The following CTNNA3 variants were observed in gnomAD, a reference collection of about 807,000 sequenced individuals.
The protein encoded by CTNNA3 is catenin alpha-3.
Under a neutral mutation model 95.7 loss-of-function variants are expected in CTNNA3, and 76 were observed. The observed-to-expected ratio is 0.79, with a 90% CI of 0.66 to 0.96. The LOEUF (loss-of-function observed/expected upper bound fraction) is 0.96. Ranked by LOEUF, CTNNA3 falls within the 40% of genes least tolerant of loss-of-function variation. The probability of loss-of-function intolerance (pLI) is 0.00; values close to 1 mark genes in which losing one functional copy is unlikely to be tolerated. For synonymous variants in CTNNA3, 431 were observed against 374.4 expected (o/e 1.15, Z -1.74); for missense variants, 1,191 against 1,089.8 (o/e 1.09, Z -1.31).
intron 7 of CTNNA3, among the ~76,000 whole-genome samples, chr10:66,838,505 G>A (rs986510858): frequency 6.6e-6 from 1 of 152,098 alleles, no homozygotes; most frequent in Non-Finnish European, 1.5e-5. Context: ...GATGCCTGAA[G>A]AGCTATGTTG....
intron 5 of CTNNA3, among the ~76,000 whole-genome samples, chr10:67,238,359 C>T (rs1030048657): frequency 1.3e-5 from 2 of 151,624 alleles, no homozygotes; most frequent in African/African-American, 4.8e-5. Context: ...TTGAGTATAT[C>T]AACCCAGTAA....
intron 5 of CTNNA3, among the ~76,000 whole-genome samples, chr10:67,280,551 C>T (rs1839354063): frequency 6.6e-6 from 1 of 151,782 alleles, no homozygotes. Context: ...CAACCGGCTC[C>T]CACTTCACAG....
intron 5 of CTNNA3, among the ~76,000 whole-genome samples, chr10:67,229,942 A>G (rs958116664): frequency 4.6e-5 from 7 of 152,180 alleles, no homozygotes; most frequent in African/African-American, 9.7e-5. Context: ...AAATACTACC[A>G]TCATTCTTCA....
intron 13 of CTNNA3, among the ~76,000 whole-genome samples, chr10:66,186,301 T>A (rs932049897): frequency 1.3e-5 from 2 of 151,706 alleles, no homozygotes; most frequent in African/African-American, 4.8e-5. Flanking sequence ...TGTGTGTGTG[T>A]GTGAGAGATA....
At chr10:67,640,192 C>T (rs1472335208) in intron 2 of CTNNA3, among the ~76,000 whole-genome samples, 2 of 152,124 alleles carry the variant, frequency 1.3e-5, no homozygotes, top group African/African-American at 2.4e-5. Context: ...AAATCACAAG[C>T]ATTCTTATAC....
chr10:67,153,000 G>C (rs540057153), intron 7 of CTNNA3, among the ~76,000 whole-genome samples: 1 of 151,664 alleles, frequency 6.6e-6, no homozygotes, highest in East Asian at 1.9e-4. Context: ...TTCTGAGACA[G>C]GGTCTTTCCC....
At chr10:66,765,325 C>T (rs1022967795) in intron 9 of CTNNA3, among the ~76,000 whole-genome samples, 53 of 152,098 alleles carry the variant, frequency 3.5e-4, no homozygotes, top group Admixed American at 1.5e-3. Context: ...GCATTTGGGC[C>T]GTAAAAACAT....
At chr10:66,211,447 C>T (rs111389638) in intron 13 of CTNNA3, among the ~76,000 whole-genome samples, 88 of 152,264 alleles carry the variant, frequency 5.8e-4, no homozygotes, top group African/African-American at 2.0e-3. Context: ...AGTTCCCTAA[C>T]CCTGAACTAA....
At chr10:66,645,118 G>A (rs1021197531) in intron 9 of CTNNA3, among the ~76,000 whole-genome samples, 1 of 151,778 alleles carries the variant, frequency 6.6e-6, no homozygotes, top group Non-Finnish European at 1.5e-5. Context: ...GTATTCCATG[G>A]TATATATGTA....
intron 1 of CTNNA3, among the ~76,000 whole-genome samples, chr10:67,702,763 A>G (rs568122888): frequency 1.8e-4 from 28 of 152,230 alleles, no homozygotes; most frequent in Non-Finnish European, 3.7e-4. Context: ...AGAAGGCAAG[A>G]AATAACTAAG....
chr10:67,429,528 A>G lies in CTNNA3; in HGVS notation c.579+92314T>C, dbSNP rs369071563. ...ATTTGTGTTGTATATAGTTAGCTAA[A>G]TAGAACTCATTATTAGCTAGTAGAA... On this transcript the variant is annotated intron_variant, in intron 5 of 17. Coordinates refer to ENST00000433211, the MANE Select transcript of CTNNA3 (RefSeq NM_013266.4). 7.9e-5 allele frequency among the ~76,000 whole-genome samples: 12 copies of G among 152,190 alleles called. No individual in the cohort carries two copies. The East Asian group carries it at 1.5e-3, about 20-fold the overall frequency.
chr10:66,610,821 T>C (rs927913361), intron 10 of CTNNA3, among the ~76,000 whole-genome samples: 2 of 152,116 alleles, frequency 1.3e-5, no homozygotes, highest in Non-Finnish European at 2.9e-5. Flanking sequence ...AAGAGGTATC[T>C]GTACTCCCAT....
chr10:67,231,636 A>T (rs1865217409), intron 5 of CTNNA3, among the ~76,000 whole-genome samples: 1 of 151,912 alleles, frequency 6.6e-6, no homozygotes, highest in African/African-American at 2.4e-5. Context: ...CTCCAAAGGA[A>T]CACAGTTCCT....
chr10:67,058,956 G>T (rs76423428), intron 7 of CTNNA3, among the ~76,000 whole-genome samples: 8,355 of 152,228 alleles, frequency 0.055, 331 homozygotes, highest in South Asian at 0.19. Context: ...AAAAAGGCAA[G>T]AAATTATTTT....
At chr10:66,117,856 A>G (rs1469481343) in intron 13 of CTNNA3, among the ~76,000 whole-genome samples, 1 of 152,244 alleles carries the variant, frequency 6.6e-6, no homozygotes, top group African/African-American at 2.4e-5. Flanking sequence ...TATCCTAAGT[A>G]AGCCATAACA....
chr10:67,141,091 T>C (rs1384082300), intron 7 of CTNNA3, among the ~76,000 whole-genome samples: 2 of 152,208 alleles, frequency 1.3e-5, no homozygotes, highest in Admixed American at 6.5e-5. Flanking sequence ...TGTAGAGGCA[T>C]GCTCCCTTGC....
chr10:66,084,761 A>C (rs1427734945), intron 14 of CTNNA3: 1 of 152,186 alleles, frequency 6.6e-6, no homozygotes, highest in Non-Finnish European at 1.5e-5. Flanking sequence ...AAAAAATAAA[A>C]TTGTTCGGGT....
chr10:65,972,060 A>G (rs2078115758), intron 16 of CTNNA3, among the ~76,000 whole-genome samples: 1 of 152,160 alleles, frequency 6.6e-6, no homozygotes, highest in Admixed American at 6.6e-5. Flanking sequence ...AACAAAAATC[A>G]TATGATTATT....
At chr10:66,502,842 T>C (rs1317773321) in intron 11 of CTNNA3, among the ~76,000 whole-genome samples, 2 of 152,160 alleles carry the variant, frequency 1.3e-5, no homozygotes, top group Non-Finnish European at 1.5e-5. Context: ...TGCCACATAT[T>C]GTTATTTTGT....
Sources: gnomAD v4.1 joint callset for allele counts (sites outside exome capture counted in the v4.1 genomes callset) on GRCh38, gnomAD v4.1.1 for gene constraint, MANE v1.5 for transcripts, NCBI Gene and HGNC (gene_info 2026-07-23, HGNC 2026-07-21) for gene names.